The following AK1 variants were observed in gnomAD, a reference collection of about 807,000 sequenced individuals.
The protein encoded by AK1 is adenylate kinase isoenzyme 1.
A neutral mutation model predicts 23.9 loss-of-function variants in AK1; 13 were observed. That is an observed-to-expected ratio of 0.54 (90% CI 0.35 to 0.86). The LOEUF (loss-of-function observed/expected upper bound fraction) is 0.86, where lower values mean the gene tolerates loss of function less well. AK1 is among the 40% of genes least tolerant of loss of function. The pLI is 0.01. For missense variants in AK1, 214 were observed against 255.1 expected, an observed-to-expected ratio of 0.84 and a Z score of 1.10; for synonymous variants, 97 against 102.8, an observed-to-expected ratio of 0.94 and a Z score of 0.34.
chr9:127,876,880 G>A (rs1481635978), intron 1 of AK1, among the ~76,000 whole-genome samples: 1 of 152,220 alleles, frequency 6.6e-6, no homozygotes, highest in Non-Finnish European at 1.5e-5. Flanking sequence ...GGCCTGTGGG[G>A]CCGAAGCCCA....
At chr9:127,879,475 T>C (rs1435828362), upstream of AK1, 1 of 151,092 alleles carries the variant, frequency 6.6e-6, no homozygotes, top group Admixed American at 6.6e-5. Context: ...AAATAAAAAT[T>C]AGCTGGACAT....
rs745510283 is a variant in AK1 at position 127,871,945 on chromosome 9, G to A, written c.208-6C>T. The A allele has an allele frequency of 5.0e-6, 8 of 1,609,644 alleles. 1 individual carries two copies. The Admixed American group carries it at 1.2e-4, about 23-fold the overall frequency. On this transcript the variant is annotated splice_region_variant and splice_polypyrimidine_tract_variant and intron_variant, in intron 4 of 6. Coordinates refer to ENST00000644144, the MANE Select transcript of AK1 (RefSeq NM_000476.3). This position sits in a 1 kb window ranked among gnomAD's most constrained non-coding sequence, Gnocchi z 4.4. The stretch of plus-strand genomic sequence containing the variant: ...AGCATGTCCAACACTGTCTCCTGGG[G>A]CACAGCAAAGGAGGAAGGGGCCATG...
In AK1 at chr9:127,868,283, G is replaced by C. The variant is rs562739326; in HGVS notation, c.516+38C>G. ...CTGAGGCGGAGCCACATAGGAACCC[G>C]TTCTTCCCGGAGCTGCCCCTGGGCC... On this transcript the variant is annotated intron_variant, in intron 6 of 6. Coordinates refer to ENST00000644144, the MANE Select transcript of AK1 (RefSeq NM_000476.3). This position sits in a 1 kb window ranked among gnomAD's most constrained non-coding sequence, Gnocchi z 4.1. The C allele has an allele frequency of 6.5e-6, 10 of 1,549,058 alleles. No individual in the cohort carries two copies. The highest frequency in any genetic ancestry group is 7.9e-6 in the Non-Finnish European group (9 of 1,145,290).
intron 2 of AK1, chr9:127,873,353 T>C: frequency 1.3e-6 from 2 of 1,558,452 alleles, no homozygotes; most frequent in Non-Finnish European, 1.7e-6. Context: ...CCAGCCCTCA[T>C]GGCGCCTCCC....
At chr9:127,879,353 G>A (rs992153948), upstream of AK1, among the ~76,000 whole-genome samples, 7 of 152,074 alleles carry the variant, frequency 4.6e-5, no homozygotes, top group African/African-American at 1.2e-4. Flanking sequence ...GGCTGGGCGC[G>A]GTGGCTCACA....
chr9:127,872,584 C>T (rs1829438512), intron 4 of AK1, 106 bp downstream of exon 4: 10 of 1,462,506 alleles, frequency 6.8e-6, no homozygotes, highest in African/African-American at 4.2e-5. Context: ...GAGCCGGGGG[C>T]GGTTACGGTC....
chr9:127,874,416 G>A (rs559738217), intron 2 of AK1, 195 bp downstream of exon 2: 71 of 985,386 alleles, frequency 7.2e-5, no homozygotes, highest in East Asian at 3.4e-4. Context: ...GCCTCGTCAC[G>A]TCTAAAATTA....
upstream of AK1, among the ~76,000 whole-genome samples, chr9:127,879,355 T>C (rs1829598985): frequency 6.6e-6 from 1 of 152,012 alleles, no homozygotes; most frequent in African/African-American, 2.4e-5. Context: ...CTGGGCGCGG[T>C]GGCTCACACC....
At chr9:127,872,628 G>C (rs1829439684) in intron 4 of AK1, 62 bp downstream of exon 4, 1 of 1,606,316 alleles carries the variant, frequency 6.2e-7, no homozygotes, top group African/African-American at 1.3e-5. Flanking sequence ...TTTGCTGCTG[G>C]TGGGACACCC....
Position 127,868,035 on chromosome 9 carries a change from G to C in AK1, c.558C>G (p.Val186=). 1 of 1,614,192 alleles carries C rather than the reference G, an allele frequency of 6.2e-7. No individual in the cohort carries two copies. The highest frequency in any genetic ancestry group is 8.5e-7 in the Non-Finnish European group (1 of 1,180,018). Residue 186 remains valine (V), a synonymous_variant, in exon 7 of 7, where the codon GTC becomes GTG. Coordinates refer to ENST00000644144, the MANE Select transcript of AK1 (RefSeq NM_000476.3). This position sits in a 1 kb window ranked among gnomAD's most constrained non-coding sequence, Gnocchi z 4.1. The part of the protein sequence containing the change: ...EGSVDSVFSQ[V]CTHLDALK ...ACTTTAGGGCGTCCAGGTGGGTGCA[G>C]ACCTGGGAGAAGACACTGTCCACGG...
intron 3 of AK1, 36 bp downstream of exon 3, chr9:127,872,990 G>A (rs186179854): frequency 9.9e-6 from 16 of 1,613,902 alleles, no homozygotes; most frequent in Admixed American, 6.7e-5. Flanking sequence ...TGCCAGTGAA[G>A]ACCCTTGCTG....
intron 5 of AK1, among the ~76,000 whole-genome samples, chr9:127,870,816 A>ATGGGGCATGGGG (rs1829380830): frequency 2.3e-4 from 4 of 17,062 alleles, no homozygotes; most frequent in African/African-American, 4.4e-4. Context: ...GGGGCATGGG[A>ATGGGGCATGGGG]ATGGGGCATG....
chr9:127,875,045 C>G, intron 1 of AK1: 1 of 256,588 alleles, frequency 3.9e-6, no homozygotes, highest in African/African-American at 2.2e-5. Context: ...GCCCAGACAC[C>G]TTGACAACGC....
intron 2 of AK1, chr9:127,874,126 G>A (rs1829484318): frequency 3.0e-6 from 3 of 985,342 alleles, no homozygotes; most frequent in Non-Finnish European, 3.6e-6. Flanking sequence ...CTGGACGGAT[G>A]GTGCTGCCAG....
chr9:127,876,930 A>G (rs1829553529), intron 1 of AK1, among the ~76,000 whole-genome samples: 1 of 152,214 alleles, frequency 6.6e-6, no homozygotes, highest in South Asian at 2.1e-4. Flanking sequence ...GACAAGGCCA[A>G]GGCAAGCCCA....
At chr9:127,875,438 G>A (rs113650328) in intron 1 of AK1, among the ~76,000 whole-genome samples, 1,635 of 149,032 alleles carry the variant, frequency 0.011, 33 homozygotes, top group African/African-American at 0.039. Flanking sequence ...GACACCTTTG[G>A]CCTCCACTTC....
In AK1 at chr9:127,872,792, G is replaced by A; in HGVS notation, c.105C>T (p.Thr35=). ...CEKIVQKYGY[T]HLSTGDLLRS... Reference sequence around the variant, plus strand: ...GCAGGAGGTCCCCGGTGGAGAGGTGGGTGTAGCCATACTTCTGCACGATCT... The same window carrying A: ...GCAGGAGGTCCCCGGTGGAGAGGTGAGTGTAGCCATACTTCTGCACGATCT... Residue 35 remains threonine, a synonymous_variant, in exon 4 of 7, where the codon ACC becomes ACT. Coordinates refer to ENST00000644144, the MANE Select transcript of AK1 (RefSeq NM_000476.3). 2 of 1,614,058 alleles carry A rather than the reference G, an allele frequency of 1.2e-6. No homozygotes were observed. Among genetic ancestry groups the A allele is most frequent in the South Asian group, 1.1e-5 (1 of 91,082 alleles).
chr9:127,874,692 A>G (rs1588619120), intron 1 of AK1, 43 bp from the exon 2 acceptor site: 8 of 1,586,424 alleles, frequency 5.0e-6, no homozygotes, highest in Admixed American at 1.7e-5. Flanking sequence ...TTTCCTCCTC[A>G]CCCTGACTCA....
intron 1 of AK1, among the ~76,000 whole-genome samples, chr9:127,876,817 C>T (rs1829551013): frequency 6.6e-6 from 1 of 152,200 alleles, no homozygotes; most frequent in South Asian, 2.1e-4. Flanking sequence ...CCTTATAAGG[C>T]CCCTGGGTCA....
Sources: gnomAD v4.1 joint callset for allele counts (sites outside exome capture counted in the v4.1 genomes callset) on GRCh38, gnomAD v4.1.1 for gene constraint, Gnocchi (gnomAD v3.1) non-coding constraint, MANE v1.5 for transcripts, NCBI Gene and HGNC (gene_info 2026-07-23, HGNC 2026-07-21) for gene names.